Variants in TAFA2 observed in about 807,000 individuals in gnomAD.
TAFA2 encodes chemokine-like protein TAFA-2.
A neutral mutation model predicts 18.8 loss-of-function variants in TAFA2; 7 were observed. That is an observed-to-expected ratio of 0.37 (90% CI 0.21 to 0.70). The LOEUF (loss-of-function observed/expected upper bound fraction) is 0.70, where lower values mean the gene tolerates loss of function less well. Ranked by LOEUF, TAFA2 falls within the 30% of genes least tolerant of loss-of-function variation. The probability of loss-of-function intolerance (pLI) is 0.53; values close to 1 mark genes in which losing one functional copy is unlikely to be tolerated. For missense variants in TAFA2, 122 were observed against 158.1 expected (o/e 0.77, Z 1.23); for synonymous variants, 60 against 54.2 (o/e 1.11, Z -0.47).
At chr12:62,062,171 C>T (rs971876800) in intron 1 of TAFA2, among the ~76,000 whole-genome samples, 1 of 151,490 alleles carries the variant, frequency 6.6e-6, no homozygotes, top group Non-Finnish European at 1.5e-5. Context: ...AAGACTCTCT[C>T]AACAAAAAAA....
intron 2 of TAFA2, among the ~76,000 whole-genome samples, chr12:61,756,144 C>T (rs1187827478): frequency 6.6e-6 from 1 of 151,966 alleles, no homozygotes; most frequent in South Asian, 2.1e-4. Context: ...CTAAGTAGTT[C>T]GCTCAGATTT....
At chr12:61,905,152 T>G (rs1359046803) in intron 1 of TAFA2, among the ~76,000 whole-genome samples, 1 of 152,072 alleles carries the variant, frequency 6.6e-6, no homozygotes, top group Non-Finnish European at 1.5e-5. Flanking sequence ...AGAATTACTA[T>G]GCCAAATTCA....
intron 1 of TAFA2, chr12:62,234,453 A>G (rs879154729): frequency 3.2e-6 from 3 of 925,350 alleles, no homozygotes; most frequent in South Asian, 1.3e-5. Flanking sequence ...GTCCTGGCCA[A>G]TGAGTCTTCT....
intron 4 of TAFA2, among the ~76,000 whole-genome samples, chr12:61,729,589 A>G (rs1422222533): frequency 6.6e-6 from 1 of 151,736 alleles, no homozygotes; most frequent in East Asian, 1.9e-4. Context: ...TTTTTTATTT[A>G]TGATATCTAT....
chr12:62,115,161 C>T (rs1417262658), intron 1 of TAFA2, among the ~76,000 whole-genome samples: 1 of 151,768 alleles, frequency 6.6e-6, no homozygotes, highest in African/African-American at 2.4e-5. Context: ...TAATTCTAAG[C>T]CTAGAAAAGA....
At chr12:61,747,003 G>A (rs552075255) in intron 4 of TAFA2, among the ~76,000 whole-genome samples, 59 of 151,986 alleles carry the variant, frequency 3.9e-4, no homozygotes, top group Non-Finnish European at 7.7e-4. Flanking sequence ...TCTACAATGA[G>A]CTCAAACAAA....
intron 2 of TAFA2, among the ~76,000 whole-genome samples, chr12:61,849,919 A>T (rs1873572004): frequency 6.6e-6 from 1 of 152,182 alleles, no homozygotes; most frequent in Non-Finnish European, 1.5e-5. Flanking sequence ...AGTCCTTAAG[A>T]TCTGTTGAAT....
chr12:61,792,269 G>A (rs1871012932), intron 2 of TAFA2, among the ~76,000 whole-genome samples: 1 of 151,362 alleles, frequency 6.6e-6, no homozygotes, highest in East Asian at 1.9e-4. Context: ...ATGGAGAGAG[G>A]TGAGTCAATG....
chr12:61,945,272 C>T (rs1368744196), intron 1 of TAFA2, among the ~76,000 whole-genome samples: 1 of 122,126 alleles, frequency 8.2e-6, no homozygotes, highest in African/African-American at 3.9e-5. Flanking sequence ...ATGCTAAAAA[C>T]TCTCAATAAA....
intron 1 of TAFA2, among the ~76,000 whole-genome samples, chr12:62,225,392 A>T (rs1473421974): frequency 6.6e-6 from 1 of 152,202 alleles, no homozygotes; most frequent in African/African-American, 2.4e-5. Context: ...AATGTAAATA[A>T]ATCATAAAGA....
upstream of TAFA2, among the ~76,000 whole-genome samples, chr12:62,197,007 C>T (rs549677927): frequency 9.8e-5 from 15 of 152,342 alleles, 1 homozygote; most frequent in South Asian, 6.2e-4. Flanking sequence ...TGAGCATTAC[C>T]GCCTGAGCTC....
At chr12:61,942,012 AC>A (rs1323129604) in intron 1 of TAFA2, among the ~76,000 whole-genome samples, 4 of 151,800 alleles carry the variant, frequency 2.6e-5, no homozygotes, top group African/African-American at 9.7e-5. Context: ...GCACAGACAA[AC>A]AAAAAGACAG....
chr12:62,128,447 G>C (rs922239789), intron 1 of TAFA2, among the ~76,000 whole-genome samples: 12 of 152,008 alleles, frequency 7.9e-5, no homozygotes, highest in Admixed American at 4.6e-4. Flanking sequence ...ACATAGCTGA[G>C]ACTTAAGAGT....
At chr12:61,959,816 A>G (rs998277247) in intron 1 of TAFA2, among the ~76,000 whole-genome samples, 5 of 152,218 alleles carry the variant, frequency 3.3e-5, no homozygotes, top group African/African-American at 1.2e-4. Context: ...AAACATTTGC[A>G]ATGATTGCAT....
At chr12:61,738,537 A>G (rs1013387231) in intron 4 of TAFA2, among the ~76,000 whole-genome samples, 40 of 152,086 alleles carry the variant, frequency 2.6e-4, no homozygotes, top group African/African-American at 8.2e-4. Context: ...AGTCCATAAG[A>G]GATGTTGCTG....
intron 1 of TAFA2, among the ~76,000 whole-genome samples, chr12:62,101,908 A>G (rs181394617): frequency 2.6e-5 from 4 of 152,224 alleles, no homozygotes; most frequent in Admixed American, 6.5e-5. Flanking sequence ...ATAAATCCTA[A>G]AACACATAGT....
chr12:61,870,454 T>C (rs546108896), intron 1 of TAFA2, among the ~76,000 whole-genome samples: 32 of 152,354 alleles, frequency 2.1e-4, no homozygotes, highest in South Asian at 1.9e-3. Flanking sequence ...CAAATATGTC[T>C]TTATGAGCAT....
chr12:61,783,789 G>A (rs1870609400), intron 2 of TAFA2, among the ~76,000 whole-genome samples: 1 of 151,594 alleles, frequency 6.6e-6, no homozygotes, highest in Non-Finnish European at 1.5e-5. Flanking sequence ...ATAGAAGTCA[G>A]TGTCCTATAT....
intron 1 of TAFA2, among the ~76,000 whole-genome samples, chr12:62,057,377 T>C (rs951492388): frequency 6.6e-6 from 1 of 152,108 alleles, no homozygotes; most frequent in Non-Finnish European, 1.5e-5. Flanking sequence ...TCTCACAAGA[T>C]GTTATGTTAG....
Sources: allele counts gnomAD v4.1 joint callset (sites outside exome capture counted in the v4.1 genomes callset), GRCh38; gene constraint gnomAD v4.1.1; transcripts MANE v1.5; gene names NCBI Gene and HGNC (gene_info 2026-07-23, HGNC 2026-07-21).